The following TEAD4 variants were observed in gnomAD, a reference collection of about 807,000 sequenced individuals.
The protein encoded by TEAD4 is TEA domain transcription factor 4.
A neutral mutation model predicts 52.4 loss-of-function variants in TEAD4; 36 were observed. That is an observed-to-expected ratio of 0.69 (90% confidence interval 0.53 to 0.91). The LOEUF is 0.91. TEAD4 is among the 40% of genes least tolerant of loss of function. TEAD4 has a pLI of 0.00. For missense variants in TEAD4, 508 were observed against 583.9 expected (o/e 0.87, Z 1.34); for synonymous variants, 220 against 231.0 (o/e 0.95, Z 0.43).
chr12:2,968,010 T>C (rs2098221799), intron 2 of TEAD4, among the ~76,000 whole-genome samples: 1 of 151,756 alleles, frequency 6.6e-6, no homozygotes. Context: ...CCTGAGCTGT[T>C]AAGTATTGAG....
chr12:2,987,028 TGA>T (rs1036887004), intron 2 of TEAD4, among the ~76,000 whole-genome samples: 32 of 152,310 alleles, frequency 2.1e-4, no homozygotes, highest in African/African-American at 6.7e-4. Flanking sequence ...GTTCATTTCC[TGA>T]GAGAGAGCCG....
intron 3 of TEAD4, among the ~76,000 whole-genome samples, chr12:2,996,816 A>G (rs1208334151): frequency 2.0e-5 from 3 of 152,094 alleles, no homozygotes; most frequent in Admixed American, 2.0e-4. Context: ...CGTGGGTTAA[A>G]GTGATTCTTC....
At position 3,016,937 on chromosome 12, in the gene TEAD4, A is replaced by G. The variant is rs1398485695; in HGVS notation, c.355-461A>G. ...CAGTGCCCAGGGAGATCCTTAGGGC[A>G]GGACTGAGGCAGGAGGGGCCACAGG... On this transcript the variant is annotated intron_variant, in intron 5 of 12. Transcript: ENST00000359864. The G allele has an allele frequency of 2.4e-5, 9 of 372,524 alleles. No individual in the cohort carries two copies. In the Admixed American group the frequency reaches 3.0e-4, roughly 12 times the overall value. The allele number at this position is 372,524 out of a possible 1,614,324, so 23.1% of individuals were successfully genotyped here.
In TEAD4 at chr12:2,994,640, C is replaced by A; in HGVS notation, c.-29-98C>A. Reference sequence around the variant, plus strand: ...TTCACTTCACGCTTTGCTTCCTGAGCAACTGATTCGGGCTCTGGCACTCCC... The same window carrying A: ...TTCACTTCACGCTTTGCTTCCTGAGAAACTGATTCGGGCTCTGGCACTCCC... On this transcript the variant is annotated intron_variant, in intron 2 of 12. Transcript: ENST00000359864. This position sits in a 1 kb window ranked among gnomAD's most constrained non-coding sequence, Gnocchi z 4.7. 7.1e-7 allele frequency: 1 copy of A among 1,417,418 alleles called. No homozygotes were observed. The highest frequency in any genetic ancestry group is 9.2e-7 in the Non-Finnish European group (1 of 1,081,300). The allele number at this position is 1,417,418 out of a possible 1,614,324, so 87.8% of individuals were successfully genotyped here. A position where few individuals can be genotyped will look rare whatever the true frequency, so the allele number is the denominator to read the frequency against.
intron 3 of TEAD4, among the ~76,000 whole-genome samples, chr12:3,001,665 T>C (rs1437594750): frequency 6.6e-6 from 1 of 151,756 alleles, no homozygotes; most frequent in Non-Finnish European, 1.5e-5. Flanking sequence ...TAGTCCCAGC[T>C]ACTTCAGGGG....
intron 2 of TEAD4, among the ~76,000 whole-genome samples, chr12:2,965,990 A>G (rs2098219942): frequency 6.6e-6 from 1 of 152,040 alleles, no homozygotes; most frequent in Admixed American, 6.6e-5. Flanking sequence ...CCTCCTCAGT[A>G]GCTGGGACTG....
intron 7 of TEAD4, 34 bp from the exon 8 acceptor site, chr12:3,019,081 G>T: frequency 6.2e-7 from 1 of 1,613,546 alleles, no homozygotes; most frequent in Non-Finnish European, 8.5e-7. Flanking sequence ...TGGCCTGCCC[G>T]AGGCTGACAC....
intron 2 of TEAD4, among the ~76,000 whole-genome samples, chr12:2,976,372 G>A (rs576444575): frequency 9.8e-5 from 14 of 142,712 alleles, no homozygotes; most frequent in African/African-American, 3.1e-4. Context: ...CCAACCTTTT[G>A]TTTTTGCAAA....
rs190190467 is a variant in TEAD4 at position 2,986,834 on chromosome 12, C to T, written c.-29-7904C>T. 9.3e-4 allele frequency among the ~76,000 whole-genome samples: 141 copies of T among 152,214 alleles called. 1 individual carries two copies. The highest frequency in any genetic ancestry group is 3.0e-3 in the African/African-American group (124 of 41,530). On this transcript the variant is annotated intron_variant, in intron 2 of 12. Transcript: ENST00000359864. The stretch of plus-strand genomic sequence containing the variant: ...TGTTTTACACCAGTGCCACCAGACA[C>T]GTGAGGAATGTGTGGCACTGCCATG...
chr12:2,974,782 A>G (rs998640558), intron 2 of TEAD4, among the ~76,000 whole-genome samples: 53 of 151,932 alleles, frequency 3.5e-4, no homozygotes, highest in Non-Finnish European at 3.4e-4. Flanking sequence ...GTTTGGGCTG[A>G]CCCTCGGGTT....
chr12:2,966,684 T>G (rs1017154893), intron 2 of TEAD4, among the ~76,000 whole-genome samples: 1 of 151,910 alleles, frequency 6.6e-6, no homozygotes, highest in East Asian at 1.9e-4. Context: ...GTGTTGGTAT[T>G]ACAGGTGTGA....
At chr12:2,975,783 T>TA (rs1468723352) in intron 2 of TEAD4, among the ~76,000 whole-genome samples, 3 of 152,126 alleles carry the variant, frequency 2.0e-5, no homozygotes, top group Non-Finnish European at 4.4e-5. Context: ...TACCCACCAT[T>TA]ACAGTATCAT....
chr12:3,030,080 C>T (rs77304761), intron 10 of TEAD4, among the ~76,000 whole-genome samples: 6,326 of 152,252 alleles, frequency 0.042, 359 homozygotes, highest in African/African-American at 0.13. Flanking sequence ...TTCTTACTCC[C>T]CCTCTTCCCT....
At chr12:2,970,259 C>T (rs990515214) in intron 2 of TEAD4, among the ~76,000 whole-genome samples, 4 of 152,164 alleles carry the variant, frequency 2.6e-5, no homozygotes, top group Admixed American at 6.6e-5. Context: ...GGACTAACAA[C>T]GTTTCTTGTG....
intron 2 of TEAD4, among the ~76,000 whole-genome samples, chr12:2,962,301 A>AATAAATAT (rs1555118304): frequency 6.8e-5 from 2 of 29,574 alleles, no homozygotes; most frequent in Non-Finnish European, 1.2e-4. Context: ...TATATATATA[A>AATAAATAT]ATATAAATAT....
At chr12:2,992,172 C>T (rs535126157) in intron 2 of TEAD4, among the ~76,000 whole-genome samples, 9 of 152,180 alleles carry the variant, frequency 5.9e-5, no homozygotes, top group African/African-American at 2.2e-4. Context: ...GCACCCGCCA[C>T]CATGCCCGGC....
At chr12:2,987,498 G>A (rs1036853783) in intron 2 of TEAD4, among the ~76,000 whole-genome samples, 3 of 151,886 alleles carry the variant, frequency 2.0e-5, no homozygotes, top group South Asian at 2.1e-4. Flanking sequence ...GCAGGGGCGC[G>A]ATCTCAGCTC....
At chr12:3,015,563 G>A (rs146469105) in intron 5 of TEAD4, among the ~76,000 whole-genome samples, 36 of 152,362 alleles carry the variant, frequency 2.4e-4, no homozygotes, top group African/African-American at 3.8e-4. Flanking sequence ...TCCAGGCCGC[G>A]GTGCTGCCCA....
Position 2,964,479 on chromosome 12 carries a change from C to T in TEAD4, c.-30+4439C>T, listed in dbSNP as rs1412128444. On this transcript the variant is annotated intron_variant, in intron 2 of 12. Coordinates refer to ENST00000359864, the MANE Select transcript of TEAD4 (RefSeq NM_003213.4). Reference sequence around the variant, plus strand: ...TCTTTCTTTTTTTTTTTTTTTGAGACGGAGTTTTGCTTTTGTTGCCCAGGC... The same window carrying T: ...TCTTTCTTTTTTTTTTTTTTTGAGATGGAGTTTTGCTTTTGTTGCCCAGGC... Among the ~76,000 whole-genome samples the T allele has an allele frequency of 7.5e-5, 11 of 146,998 alleles. 1 individual carries two copies. In the South Asian group the frequency reaches 8.6e-4, roughly 11 times the overall value.
Sources: allele counts gnomAD v4.1 joint callset (sites outside exome capture counted in the v4.1 genomes callset), GRCh38; gene constraint gnomAD v4.1.1; non-coding constraint Gnocchi (gnomAD v3.1); transcripts MANE v1.5; gene names NCBI Gene and HGNC (gene_info 2026-07-23, HGNC 2026-07-21).